ARHGAP26: variants seen among roughly 807,000 people sequenced by gnomAD.
ARHGAP26 encodes the protein Rho GTPase activating protein 26.
Under a neutral mutation model 104.8 loss-of-function variants are expected in ARHGAP26, and 38 were observed. The observed-to-expected ratio is 0.36, with a 90% CI of 0.28 to 0.48. The LOEUF (loss-of-function observed/expected upper bound fraction) is 0.48. Among genes scored for constraint, ARHGAP26 ranks in the 20% least tolerant of loss-of-function variants. ARHGAP26 has a pLI of 0.99. For synonymous variants in ARHGAP26, 341 were observed against 340.0 expected (o/e 1.00, Z -0.03); for missense variants, 704 against 947.9 (o/e 0.74, Z 3.38).
chr5:142,859,466 A>G (rs1292373386), intron 1 of ARHGAP26: 1 of 152,194 alleles, frequency 6.6e-6, no homozygotes, highest in Non-Finnish European at 1.5e-5. Flanking sequence ...TAATCTGCCC[A>G]TGTTCTTCTA....
At chr5:142,981,527 T>A (rs924537315) in intron 11 of ARHGAP26, among the ~76,000 whole-genome samples, 2 of 152,214 alleles carry the variant, frequency 1.3e-5, no homozygotes, top group Non-Finnish European at 2.9e-5. Context: ...GTTTCCTAAA[T>A]CTGTAAAGTC....
intron 5 of ARHGAP26, among the ~76,000 whole-genome samples, chr5:142,893,543 G>A (rs562151658): frequency 1.3e-5 from 2 of 152,268 alleles, no homozygotes; most frequent in South Asian, 4.1e-4. Context: ...GTTGTGAGTA[G>A]TGCTGCAATA....
intron 11 of ARHGAP26, among the ~76,000 whole-genome samples, chr5:142,959,397 C>T (rs897279433): frequency 1.3e-5 from 2 of 152,202 alleles, no homozygotes; most frequent in Non-Finnish European, 2.9e-5. Flanking sequence ...GTCCTCTGCT[C>T]AGGCTAGAAA....
chr5:142,958,096 T>C (rs908484233), intron 11 of ARHGAP26, among the ~76,000 whole-genome samples: 1 of 152,170 alleles, frequency 6.6e-6, no homozygotes, highest in Admixed American at 6.5e-5. Context: ...CAAACCTATA[T>C]GGTCATTTTT....
At chr5:143,101,835 G>A (rs1332250819) in intron 17 of ARHGAP26, among the ~76,000 whole-genome samples, 1 of 150,416 alleles carries the variant, frequency 6.6e-6, no homozygotes, top group Admixed American at 6.6e-5. Context: ...AGAAGGGAAA[G>A]TTCGTCATAT....
At chr5:143,024,393 C>T (rs1441817842) in intron 12 of ARHGAP26, among the ~76,000 whole-genome samples, 12 of 152,196 alleles carry the variant, frequency 7.9e-5, no homozygotes, top group African/African-American at 2.2e-4. Flanking sequence ...TCCCCTTTCC[C>T]TCAGTGATGT....
intron 20 of ARHGAP26, among the ~76,000 whole-genome samples, chr5:143,178,032 C>T (rs554325128): frequency 1.6e-4 from 19 of 119,444 alleles, no homozygotes; most frequent in Admixed American, 4.2e-4. Flanking sequence ...CAGCATCTCA[C>T]TCTGTCACCT....
At chr5:143,078,602 T>C (rs1254263530) in intron 17 of ARHGAP26, among the ~76,000 whole-genome samples, 1 of 152,226 alleles carries the variant, frequency 6.6e-6, no homozygotes, top group Non-Finnish European at 1.5e-5. Context: ...AGAAAACTTT[T>C]CAGGAATGTG....
chr5:142,808,551 A>G (rs1453693990), intron 1 of ARHGAP26, among the ~76,000 whole-genome samples: 1 of 152,002 alleles, frequency 6.6e-6, no homozygotes, highest in Non-Finnish European at 1.5e-5. Flanking sequence ...AAGGTACAGA[A>G]TAACTAAGTG....
At chr5:143,160,474 G>GTTTTTTTT (rs201337868) in intron 20 of ARHGAP26, among the ~76,000 whole-genome samples, 1 of 95,404 alleles carries the variant, frequency 1.0e-5, no homozygotes, top group Non-Finnish European at 2.1e-5. Context: ...TGCTTTTGGT[G>GTTTTTTTT]GTTTTTTTTT....
intron 17 of ARHGAP26, among the ~76,000 whole-genome samples, chr5:143,100,823 G>T (rs1793109269): frequency 6.6e-6 from 1 of 152,220 alleles, no homozygotes; most frequent in Non-Finnish European, 1.5e-5. Context: ...ATGCACGGTG[G>T]CTCATGCCTG....
intron 11 of ARHGAP26, among the ~76,000 whole-genome samples, chr5:142,991,254 C>T (rs919677043): frequency 1.1e-4 from 16 of 152,204 alleles, no homozygotes; most frequent in Admixed American, 1.0e-3. Flanking sequence ...GCGTGGGACC[C>T]TCTGAGCCAT....
chr5:143,158,582 C>T (rs989851483), intron 20 of ARHGAP26, among the ~76,000 whole-genome samples: 2 of 152,204 alleles, frequency 1.3e-5, no homozygotes, highest in African/African-American at 4.8e-5. Context: ...AAAAAATTAT[C>T]TGGAAATGTA....
At chr5:143,200,446 A>T (rs1807520392) in intron 20 of ARHGAP26, among the ~76,000 whole-genome samples, 1 of 152,242 alleles carries the variant, frequency 6.6e-6, no homozygotes, top group South Asian at 2.1e-4. Context: ...ACACAATAAG[A>T]AAATGGTTAC....
chr5:143,111,285 A>G (rs1399624366), intron 17 of ARHGAP26, among the ~76,000 whole-genome samples: 1 of 152,166 alleles, frequency 6.6e-6, no homozygotes, highest in Admixed American at 6.5e-5. Flanking sequence ...AAATAACAGG[A>G]TATGTATTGT....
chr5:142,855,893 GTAGGTCCACAATACA>G (rs1209732531), intron 1 of ARHGAP26, among the ~76,000 whole-genome samples: 11 of 152,170 alleles, frequency 7.2e-5, no homozygotes, highest in African/African-American at 2.4e-4. Flanking sequence ...TACCAGGAAT[GTAGGTCCACAATACA>G]TAGATTTTTG....
chr5:142,967,358 T>C (rs1771543705), intron 11 of ARHGAP26, among the ~76,000 whole-genome samples: 1 of 152,200 alleles, frequency 6.6e-6, no homozygotes. Flanking sequence ...TCTGATGGTG[T>C]GGTGACCTCC....
chr5:142,860,078 GAGCCCCAGTGC>G (rs1315059577), intron 1 of ARHGAP26: 4 of 152,210 alleles, frequency 2.6e-5, no homozygotes, highest in Non-Finnish European at 5.9e-5. Context: ...GGGCCACAAG[GAGCCCCAGTGC>G]GCCCGCATGA....
chr5:142,951,141 C>A lies in ARHGAP26; in HGVS notation c.1107+19016C>A, dbSNP rs181449166. 2.0e-5 allele frequency among the ~76,000 whole-genome samples: 3 copies of A among 152,156 alleles called. No individual in the cohort carries two copies. In the East Asian group the frequency reaches 5.8e-4, roughly 29 times the overall value. On this transcript the variant is annotated intron_variant, in intron 11 of 22. Coordinates refer to ENST00000645722, the MANE Select transcript of ARHGAP26 (RefSeq NM_001135608.3). ...GTGGTGCGATCTCAGCTCACTGCAA[C>A]CTCCACCTCCCAGGTTCAAGCGATT...
Sources: gnomAD v4.1 joint callset for allele counts (sites outside exome capture counted in the v4.1 genomes callset) on GRCh38, gnomAD v4.1.1 for gene constraint, MANE v1.5 for transcripts, NCBI Gene and HGNC (gene_info 2026-07-23, HGNC 2026-07-21) for gene names.